The following CCDC122 variants were observed in gnomAD, a reference collection of about 807,000 sequenced individuals.
CCDC122 encodes coiled-coil domain-containing protein 122.
CCDC122 carries 38 observed loss-of-function variants against 37.0 expected under a neutral mutation model. The observed-to-expected ratio is 1.03, with a 90% CI of 0.79 to 1.35. The LOEUF is 1.35. CCDC122 is among the 40% of genes most tolerant of loss of function. CCDC122 has a pLI of 0.00. For synonymous variants in CCDC122, 83 were observed against 95.6 expected, an observed-to-expected ratio of 0.87 and a Z score of 0.77; for missense variants, 305 against 310.0, an observed-to-expected ratio of 0.98 and a Z score of 0.12.
chr13:43,849,818 C>G (rs1035461073), intron 6 of CCDC122, among the ~76,000 whole-genome samples: 1 of 152,190 alleles, frequency 6.6e-6, no homozygotes, highest in Non-Finnish European at 1.5e-5. Flanking sequence ...TGCTGGTGCA[C>G]TCTCAGGGAA....
In CCDC122 at chr13:43,868,820, GA is replaced by G; in HGVS notation, c.47-18del. On this transcript the variant is annotated intron_variant, in intron 3 of 6. Coordinates refer to ENST00000444614, the MANE Select transcript of CCDC122 (RefSeq NM_144974.5). ...CTTGGTTATCTACAATTAGACAAAA[GA>G]ATAAAGTATATAATAAAAATTAAAA... 8.2e-7 allele frequency: 1 copy of G among 1,221,220 alleles called. No homozygotes were observed. The highest frequency in any genetic ancestry group is 1.9e-5 in the South Asian group (1 of 52,524). 75.6% of individuals were successfully genotyped at this position (1,221,220 alleles called of 1,614,324 possible). A position where few individuals can be genotyped will look rare whatever the true frequency, so the allele number is the denominator to read the frequency against.
At chr13:43,860,177 A>G in intron 4 of CCDC122, 107 bp from the exon 5 acceptor site, 3 of 513,178 alleles carry the variant, frequency 5.8e-6, no homozygotes, top group Non-Finnish European at 9.3e-6. Context: ...TTATAAGAAT[A>G]TATTTATCAG....
At chr13:43,869,115 A>C (rs1954365946) in intron 3 of CCDC122, among the ~76,000 whole-genome samples, 1 of 151,978 alleles carries the variant, frequency 6.6e-6, no homozygotes, top group Non-Finnish European at 1.5e-5. Context: ...CTACCATAAC[A>C]ACTCTATAGC....
downstream of CCDC122, among the ~76,000 whole-genome samples, chr13:43,834,958 G>A (rs1953127266): frequency 6.6e-6 from 1 of 152,220 alleles, no homozygotes; most frequent in African/African-American, 2.4e-5. Context: ...TCCCATTACT[G>A]GGTATATACC....
At chr13:43,847,857 C>A (rs1368360299) in intron 6 of CCDC122, among the ~76,000 whole-genome samples, 1 of 152,168 alleles carries the variant, frequency 6.6e-6, no homozygotes, top group Non-Finnish European at 1.5e-5. Flanking sequence ...TCATTGCAAC[C>A]TCTTCCTCCC....
chr13:43,861,384 G>A (rs1391389204), intron 4 of CCDC122, among the ~76,000 whole-genome samples: 1 of 152,118 alleles, frequency 6.6e-6, no homozygotes, highest in Admixed American at 6.5e-5. Flanking sequence ...CAAAGGGTAC[G>A]GATAGACTAA....
chr13:43,832,224 T>G (rs1244837807), downstream of CCDC122, among the ~76,000 whole-genome samples: 2 of 151,976 alleles, frequency 1.3e-5, no homozygotes, highest in Non-Finnish European at 2.9e-5. Context: ...TATTTTAGCT[T>G]CTGATAATTA....
chr13:43,853,214 C>A (rs891765709), intron 6 of CCDC122, among the ~76,000 whole-genome samples: 1 of 152,052 alleles, frequency 6.6e-6, no homozygotes, highest in Non-Finnish European at 1.5e-5. Flanking sequence ...AGAACTAAGA[C>A]CCATTGGTAT....
chr13:43,859,253 G>A (rs1348510158), intron 5 of CCDC122, among the ~76,000 whole-genome samples: 1 of 152,142 alleles, frequency 6.6e-6, no homozygotes, highest in Non-Finnish European at 1.5e-5. Context: ...AAGAGAAATA[G>A]TAAGATGCTT....
chr13:43,870,129 C>A (rs1954399251), intron 2 of CCDC122, among the ~76,000 whole-genome samples: 1 of 151,966 alleles, frequency 6.6e-6, no homozygotes, highest in African/African-American at 2.4e-5. Flanking sequence ...AAAAGAAAAG[C>A]AAAGTTAAAT....
intron 2 of CCDC122, among the ~76,000 whole-genome samples, chr13:43,874,561 T>C (rs1325077323): frequency 6.6e-6 from 1 of 152,162 alleles, no homozygotes; most frequent in East Asian, 1.9e-4. Context: ...GCAACATAAA[T>C]TGAAGAACTC....
chr13:43,833,995 T>C (rs2153868667), downstream of CCDC122, among the ~76,000 whole-genome samples: 1 of 152,338 alleles, frequency 6.6e-6, no homozygotes, highest in Admixed American at 6.5e-5. Context: ...TTTATGATTG[T>C]GTTGAAATAT....
chr13:43,848,418 CTTT>C (rs751929859), intron 6 of CCDC122, among the ~76,000 whole-genome samples: 1 of 145,804 alleles, frequency 6.9e-6, no homozygotes. Flanking sequence ...GGAAATAACA[CTTT>C]TTTTTTTTTT....
At chr13:43,843,790 T>TAA (rs1953431497) in intron 6 of CCDC122, among the ~76,000 whole-genome samples, 1 of 150,942 alleles carries the variant, frequency 6.6e-6, no homozygotes, top group African/African-American at 2.4e-5. Flanking sequence ...ATCATAAGGC[T>TAA]AAACATGAAT....
intron 3 of CCDC122, among the ~76,000 whole-genome samples, chr13:43,827,582 G>T (rs975744455): frequency 6.6e-6 from 1 of 152,180 alleles, no homozygotes; most frequent in Non-Finnish European, 1.5e-5. Context: ...TGCATGGCTT[G>T]CGTGGGTCCA....
intron 6 of CCDC122, among the ~76,000 whole-genome samples, chr13:43,851,635 A>G (rs1463929826): frequency 1.3e-5 from 2 of 152,194 alleles, no homozygotes; most frequent in East Asian, 3.9e-4. Flanking sequence ...CACTGCCACT[A>G]CTGCTGCTGC....
intron 3 of CCDC122, among the ~76,000 whole-genome samples, chr13:43,831,230 A>G (rs1377958162): frequency 1.3e-5 from 2 of 152,198 alleles, no homozygotes; most frequent in African/African-American, 4.8e-5. Flanking sequence ...TCTCTGTGGA[A>G]AAGGTGGAAG....
chr13:43,877,403 A>T (rs7327496), intron 1 of CCDC122, among the ~76,000 whole-genome samples: 139,462 of 152,206 alleles, frequency 0.92, 64,258 homozygotes, highest in South Asian at 0.99. Context: ...CTTTTTTCTT[A>T]TAAAAAAAGC....
intron 3 of CCDC122, among the ~76,000 whole-genome samples, chr13:43,824,787 A>C (rs1378450543): frequency 6.6e-6 from 1 of 152,236 alleles, no homozygotes; most frequent in Non-Finnish European, 1.5e-5. Flanking sequence ...GCCAACAAAC[A>C]TATGAAAAAA....
Sources: allele counts gnomAD v4.1 joint callset (sites outside exome capture counted in the v4.1 genomes callset), GRCh38; gene constraint gnomAD v4.1.1; transcripts MANE v1.5; gene names NCBI Gene and HGNC (gene_info 2026-07-23, HGNC 2026-07-21).